CCDC102B: variants seen among roughly 807,000 people sequenced by gnomAD.
CCDC102B encodes the protein coiled-coil domain-containing protein 102B.
Under a neutral mutation model 57.4 loss-of-function variants are expected in CCDC102B, and 75 were observed. That is an observed-to-expected ratio of 1.31 (90% confidence interval 1.08 to 1.58). CCDC102B has a LOEUF of 1.58. Ranked by LOEUF, CCDC102B falls within the 40% of genes most tolerant of loss-of-function variation. CCDC102B has a pLI of 0.00. For missense variants in CCDC102B, 636 were observed against 582.6 expected, an observed-to-expected ratio of 1.09 and a Z score of -0.94; for synonymous variants, 206 against 201.9, an observed-to-expected ratio of 1.02 and a Z score of -0.17.
In CCDC102B at chr18:68,891,154, C is replaced by T. The variant is rs1408712095; in HGVS notation, c.1054-6065C>T. ...TATTTTAAAATATATATAACATTCT[C>T]ACAGACTTCTAACAGTATTATTATA... On this transcript the variant is annotated intron_variant, in intron 5 of 7. Coordinates refer to ENST00000360242, the MANE Select transcript of CCDC102B (RefSeq NM_024781.3). Among the ~76,000 whole-genome samples, 11 of 152,202 alleles carry T rather than the reference C, an allele frequency of 7.2e-5. No homozygotes were observed. In the East Asian group the frequency reaches 9.7e-4, roughly 13 times the overall value.
chr18:68,732,372 G>C (rs1342200506), intron 2 of CCDC102B, among the ~76,000 whole-genome samples: 1 of 150,556 alleles, frequency 6.6e-6, no homozygotes, highest in East Asian at 2.0e-4. Flanking sequence ...TTGGGATGGA[G>C]TGTTGCTCTG....
At chr18:69,008,669 C>G (rs1324676766) in intron 6 of CCDC102B, among the ~76,000 whole-genome samples, 2 of 152,168 alleles carry the variant, frequency 1.3e-5, no homozygotes, top group Non-Finnish European at 2.9e-5. Context: ...GAGTGAGGAC[C>G]AGCATTTTCT....
At chr18:68,920,109 C>T (rs184856131) in intron 6 of CCDC102B, among the ~76,000 whole-genome samples, 246 of 152,136 alleles carry the variant, frequency 1.6e-3, no homozygotes, top group Middle Eastern at 3.4e-3. Flanking sequence ...TGATCCTCTC[C>T]CTCTCCCACC....
At chr18:68,715,712 GATAAA>G (rs2031915604) in intron 1 of CCDC102B, 1 of 152,118 alleles carries the variant, frequency 6.6e-6, no homozygotes, top group Non-Finnish European at 1.5e-5. Context: ...TTTGGAACTA[GATAAA>G]GTAGTATGAA....
chr18:68,716,835 T>C (rs1203224875), intron 2 of CCDC102B, among the ~76,000 whole-genome samples: 1 of 151,814 alleles, frequency 6.6e-6, no homozygotes, highest in African/African-American at 2.4e-5. Context: ...TCCCAGCACT[T>C]TGGGAGGCCG....
chr18:68,717,299 T>G (rs2032080364), intron 2 of CCDC102B, among the ~76,000 whole-genome samples: 1 of 152,190 alleles, frequency 6.6e-6, no homozygotes, highest in Non-Finnish European at 1.5e-5. Flanking sequence ...TGTAATGAGA[T>G]GTACTATAAA....
chr18:68,751,444 G>C (rs1228876154), intron 2 of CCDC102B, among the ~76,000 whole-genome samples: 1 of 151,944 alleles, frequency 6.6e-6, no homozygotes, highest in African/African-American at 2.4e-5. Flanking sequence ...ACTATGCTTG[G>C]GGGCCGCTGT....
chr18:68,846,355 G>T lies in CCDC102B; in HGVS notation c.870G>T (p.Ser290=), dbSNP rs147849810. 4 of 1,582,776 alleles carry T rather than the reference G, an allele frequency of 2.5e-6. No individual in the cohort carries two copies. The highest frequency in any genetic ancestry group is 3.4e-6 in the Non-Finnish European group (4 of 1,166,790). Residue 290 remains serine (S), a synonymous_variant, in exon 4 of 8, where the codon TCG becomes TCT. Coordinates refer to ENST00000360242, the MANE Select transcript of CCDC102B (RefSeq NM_024781.3). ...AAAAAGAAATAGAGAGACTGGAGTC[G>T]GCTTTGTCTCTGTGGAAGTGGAAGT... ...ALEKEIERLE[S]ALSLWKWKYE... is the part of the protein sequence containing the mutation.
At chr18:68,835,589 G>A (rs922875187) in intron 1 of CCDC102B, among the ~76,000 whole-genome samples, 3 of 152,130 alleles carry the variant, frequency 2.0e-5, no homozygotes, top group African/African-American at 7.2e-5. Context: ...GAAGTTAGAT[G>A]TGCTTTTGCC....
chr18:68,804,060 C>A (rs932195213), intron 1 of CCDC102B, among the ~76,000 whole-genome samples: 5 of 152,116 alleles, frequency 3.3e-5, no homozygotes, highest in African/African-American at 1.2e-4. Flanking sequence ...GTATTCCAGG[C>A]AAGAGACAGG....
intron 2 of CCDC102B, among the ~76,000 whole-genome samples, chr18:68,762,836 AT>A: frequency 6.6e-6 from 1 of 152,226 alleles, no homozygotes; most frequent in Middle Eastern, 3.4e-3. Context: ...GGTGGAAAAC[AT>A]GAACAGAAAC....
rs1273578919 is a variant in CCDC102B, at chr18:68,735,350, C to T, written c.-67+18756C>T. 8.5e-5 allele frequency among the ~76,000 whole-genome samples: 13 copies of T among 152,250 alleles called. 1 individual carries two copies. Among genetic ancestry groups the T allele is most frequent in the South Asian group, 8.3e-4 (4 of 4,822 alleles). ...CTGGAATTACAGGGGTGAGGCAGCG[C>T]GCCAGGGCTATAGCAACATTTTAAA... On this transcript the variant is annotated intron_variant, in intron 2 of 3. Coordinates refer to the CCDC102B transcript ENST00000578970.
intron 4 of CCDC102B, among the ~76,000 whole-genome samples, chr18:68,849,257 C>T (rs917358177): frequency 3.3e-5 from 5 of 151,984 alleles, no homozygotes; most frequent in East Asian, 3.9e-4. Flanking sequence ...AGCTATTCTG[C>T]GTACATCAAG....
At chr18:69,034,093 A>G (rs2145451325) in intron 7 of CCDC102B, among the ~76,000 whole-genome samples, 1 of 152,046 alleles carries the variant, frequency 6.6e-6, no homozygotes, top group Admixed American at 6.6e-5. Context: ...TATTTTGGAT[A>G]CAAGTCCCTT....
At chr18:68,781,164 G>A (rs993132040) in intron 2 of CCDC102B, among the ~76,000 whole-genome samples, 1 of 151,958 alleles carries the variant, frequency 6.6e-6, no homozygotes, top group Admixed American at 6.6e-5. Flanking sequence ...AAAACAAAAT[G>A]CCTTCATTAC....
intron 7 of CCDC102B, 22 bp from the exon 8 acceptor site, chr18:69,054,008 G>A (rs1406192891): frequency 2.5e-6 from 4 of 1,591,440 alleles, no homozygotes; most frequent in Admixed American, 3.7e-5. Context: ...CCTAACTAAA[G>A]CATTTTCTAC....
At chr18:68,931,097 G>A (rs2041657771) in intron 6 of CCDC102B, among the ~76,000 whole-genome samples, 1 of 150,862 alleles carries the variant, frequency 6.6e-6, no homozygotes, top group African/African-American at 2.4e-5. Flanking sequence ...AACACTTTGA[G>A]TAGATAAACT....
chr18:68,821,413 A>C (rs1306138976), intron 1 of CCDC102B, among the ~76,000 whole-genome samples: 1 of 151,192 alleles, frequency 6.6e-6, no homozygotes, highest in Non-Finnish European at 1.5e-5. Flanking sequence ...ATATTTTAAA[A>C]TAACTTGTTT....
chr18:68,722,272 C>T (rs1436485916), intron 2 of CCDC102B, among the ~76,000 whole-genome samples: 2 of 152,134 alleles, frequency 1.3e-5, no homozygotes, highest in African/African-American at 4.8e-5. Context: ...ACAGTCATTC[C>T]CAGAGAAGGG....
Sources: allele counts gnomAD v4.1 joint callset (sites outside exome capture counted in the v4.1 genomes callset), GRCh38; gene constraint gnomAD v4.1.1; transcripts MANE v1.5; gene names NCBI Gene and HGNC (gene_info 2026-07-23, HGNC 2026-07-21).